The following NR3C2 variants were observed in gnomAD, a reference collection of about 807,000 sequenced individuals.
The protein encoded by NR3C2 is nuclear receptor subfamily 3 group C member 2, also known as mineralocorticoid receptor.
Under a neutral mutation model 86.4 loss-of-function variants are expected in NR3C2, and 15 were observed. The observed-to-expected ratio is 0.17, with a 90% CI of 0.12 to 0.27. The LOEUF (loss-of-function observed/expected upper bound fraction) is 0.27, where lower values mean the gene tolerates loss of function less well. Among genes scored for constraint, NR3C2 ranks in the 10% least tolerant of loss-of-function variants. NR3C2 has a pLI of 1.00. For missense variants in NR3C2, 960 were observed against 1,195.6 expected, an observed-to-expected ratio of 0.80 and a Z score of 2.91; for synonymous variants, 458 against 450.5, an observed-to-expected ratio of 1.02 and a Z score of -0.21.
At chr4:148,218,808 C>T (rs1043111606) in intron 3 of NR3C2, among the ~76,000 whole-genome samples, 2 of 152,188 alleles carry the variant, frequency 1.3e-5, no homozygotes, top group Admixed American at 1.3e-4. Context: ...TAGCACAATG[C>T]TTGAGGTTCA....
At chr4:148,356,897 G>A (rs1432659322) in intron 2 of NR3C2, among the ~76,000 whole-genome samples, 5 of 122,524 alleles carry the variant, frequency 4.1e-5, no homozygotes, top group Admixed American at 9.3e-5. Flanking sequence ...CACTAAGCAC[G>A]ACTGTGTGTG....
At chr4:148,156,953 C>T (rs1487693493) in intron 4 of NR3C2, among the ~76,000 whole-genome samples, 1 of 151,942 alleles carries the variant, frequency 6.6e-6, no homozygotes, top group Non-Finnish European at 1.5e-5. Flanking sequence ...GGCACATATA[C>T]ACCATGGAAT....
At chr4:148,126,710 T>C (rs773465081) in intron 6 of NR3C2, among the ~76,000 whole-genome samples, 2 of 152,228 alleles carry the variant, frequency 1.3e-5, no homozygotes, top group Non-Finnish European at 2.9e-5. Context: ...CACTGCAGTA[T>C]GAACAGCATC....
rs1168639600 is a variant in NR3C2 at position 148,101,330 on chromosome 4, T to C, written c.2799+12774A>G. The stretch of plus-strand genomic sequence containing the variant: ...CTAAAAACCAGCCGCTGGGAAAACA[T>C]TAACCTTCTTGAAAGAGGTAAGTAT... On this transcript the variant is annotated intron_variant, in intron 8 of 8. Coordinates refer to ENST00000358102, the MANE Select transcript of NR3C2 (RefSeq NM_000901.5). Among the ~76,000 whole-genome samples the C allele has an allele frequency of 2.0e-5, 3 of 152,222 alleles. No individual in the cohort carries two copies. The South Asian group carries it at 6.2e-4, about 32-fold the overall frequency.
chr4:148,247,938 A>C (rs546623656), intron 3 of NR3C2, among the ~76,000 whole-genome samples: 1 of 152,312 alleles, frequency 6.6e-6, no homozygotes, highest in East Asian at 1.9e-4. Context: ...CTGGTCTGTC[A>C]GATGCCGGTT....
At chr4:148,181,140 T>C (rs950003872) in intron 4 of NR3C2, among the ~76,000 whole-genome samples, 3 of 152,184 alleles carry the variant, frequency 2.0e-5, no homozygotes, top group East Asian at 1.9e-4. Flanking sequence ...TTGTTGGAAG[T>C]ACATTGGAAC....
chr4:148,087,293 A>G (rs1730858601), intron 8 of NR3C2, among the ~76,000 whole-genome samples: 1 of 152,258 alleles, frequency 6.6e-6, no homozygotes, highest in Non-Finnish European at 1.5e-5. Flanking sequence ...AATAGGAAGA[A>G]CAAATATCAT....
intron 4 of NR3C2, among the ~76,000 whole-genome samples, chr4:148,165,289 G>A (rs1268507163): frequency 6.6e-6 from 1 of 152,094 alleles, no homozygotes; most frequent in Non-Finnish European, 1.5e-5. Flanking sequence ...TGACTTGGAA[G>A]TACCCAAGAC....
intron 2 of NR3C2, among the ~76,000 whole-genome samples, chr4:148,353,898 A>G (rs61761530): frequency 0.11 from 16,806 of 152,142 alleles, 1,044 homozygotes; most frequent in South Asian, 0.27. Flanking sequence ...TGCATACCTA[A>G]TGGATTCTAC....
chr4:148,411,540 T>G (rs1024649956), intron 2 of NR3C2, among the ~76,000 whole-genome samples: 24 of 152,330 alleles, frequency 1.6e-4, no homozygotes, highest in African/African-American at 5.5e-4. Flanking sequence ...CATAAACAAA[T>G]GGACATATTC....
chr4:148,102,816 G>A (rs1207645655), intron 8 of NR3C2, among the ~76,000 whole-genome samples: 3 of 152,222 alleles, frequency 2.0e-5, no homozygotes, highest in African/African-American at 7.2e-5. Flanking sequence ...CACCTGAAAT[G>A]CAGCTAGTGT....
At chr4:148,178,946 A>C (rs532901255) in intron 4 of NR3C2, among the ~76,000 whole-genome samples, 93 of 150,922 alleles carry the variant, frequency 6.2e-4, no homozygotes, top group African/African-American at 2.2e-3. Flanking sequence ...AAAAAAAAAA[A>C]ACAAAAAAAA....
chr4:148,207,914 A>G lies in NR3C2; in HGVS notation c.1898-13052T>C, dbSNP rs369304123. 1.6e-4 allele frequency: 24 copies of G among 152,350 alleles called. No individual in the cohort carries two copies. The South Asian group carries it at 3.1e-3, about 20-fold the overall frequency. 9.4% of individuals were successfully genotyped at this position (152,350 alleles called of 1,614,324 possible). On this transcript the variant is annotated intron_variant, in intron 3 of 8. Coordinates refer to ENST00000358102, the MANE Select transcript of NR3C2 (RefSeq NM_000901.5). ...TAATAACACAGTAATTAAATAATAG[A>G]CTGTAATAAAAGCTATTTGGATGTG...
intron 2 of NR3C2, among the ~76,000 whole-genome samples, chr4:148,422,459 T>C (rs1749329995): frequency 6.6e-6 from 1 of 152,164 alleles, no homozygotes; most frequent in Admixed American, 6.5e-5. Context: ...AAAGAATATC[T>C]ACTCCCAATT....
chr4:148,187,036 A>C (rs1408409824), intron 4 of NR3C2, among the ~76,000 whole-genome samples: 1 of 136,938 alleles, frequency 7.3e-6, no homozygotes, highest in Non-Finnish European at 1.6e-5. Context: ...ATATATATAT[A>C]TATATATAAA....
chr4:148,323,598 C>A (rs12507494), intron 2 of NR3C2, among the ~76,000 whole-genome samples: 6 of 152,034 alleles, frequency 3.9e-5, no homozygotes, highest in Admixed American at 3.9e-4. Context: ...GTTTTTTCAG[C>A]CCGTCGGAAA....
At chr4:148,381,996 G>A (rs1747017234) in intron 2 of NR3C2, among the ~76,000 whole-genome samples, 1 of 152,058 alleles carries the variant, frequency 6.6e-6, no homozygotes, top group South Asian at 2.1e-4. Flanking sequence ...ATATAAACCT[G>A]GTCCTGACCA....
chr4:148,174,635 G>A (rs1735284523), intron 4 of NR3C2, among the ~76,000 whole-genome samples: 1 of 152,238 alleles, frequency 6.6e-6, no homozygotes, highest in Non-Finnish European at 1.5e-5. Flanking sequence ...TCCCCAGGGG[G>A]TATAAATGTC....
intron 3 of NR3C2, among the ~76,000 whole-genome samples, chr4:148,239,470 G>C (rs1738910357): frequency 6.6e-6 from 1 of 152,128 alleles, no homozygotes; most frequent in Admixed American, 6.6e-5. Flanking sequence ...CTGCCCCTCT[G>C]CCTCTGGTTG....
Sources: allele counts gnomAD v4.1 joint callset (sites outside exome capture counted in the v4.1 genomes callset), GRCh38; gene constraint gnomAD v4.1.1; transcripts MANE v1.5; gene names NCBI Gene and HGNC (gene_info 2026-07-23, HGNC 2026-07-21).